LRP1B: variants seen among roughly 807,000 people sequenced by gnomAD.
LRP1B encodes the protein low-density lipoprotein receptor-related protein 1B.
LRP1B carries 217 observed loss-of-function variants against 556.6 expected under a neutral mutation model. The observed-to-expected ratio is 0.39, with a 90% CI of 0.35 to 0.44. The LOEUF (loss-of-function observed/expected upper bound fraction) is 0.44, where lower values mean the gene tolerates loss of function less well. Among genes scored for constraint, LRP1B ranks in the 20% least tolerant of loss-of-function variants. The pLI is 1.00. For missense variants in LRP1B, 5,053 were observed against 5,620.8 expected (o/e 0.90, Z 3.23); for synonymous variants, 2,047 against 1,865.8 (o/e 1.10, Z -2.50).
intron 7 of LRP1B, among the ~76,000 whole-genome samples, chr2:141,119,905 C>A (rs1922694): frequency 0.97 from 147,237 of 151,950 alleles, 71,536 homozygotes; most frequent in East Asian, 1. Flanking sequence ...CATCTATCAC[C>A]CTGAAGATCC....
intron 2 of LRP1B, among the ~76,000 whole-genome samples, chr2:141,549,200 T>G (rs1231859669): frequency 6.6e-6 from 1 of 152,184 alleles, no homozygotes; most frequent in Non-Finnish European, 1.5e-5. Flanking sequence ...GTATAAGATC[T>G]GGGGCAGCAA....
chr2:141,369,620 G>T (rs1236839946), intron 3 of LRP1B, among the ~76,000 whole-genome samples: 1 of 152,004 alleles, frequency 6.6e-6, no homozygotes, highest in Non-Finnish European at 1.5e-5. Flanking sequence ...ACAATTCCAA[G>T]ATAGAGTATA....
intron 41 of LRP1B, among the ~76,000 whole-genome samples, chr2:140,661,626 C>T (rs1258402338): frequency 1.3e-5 from 2 of 151,980 alleles, no homozygotes; most frequent in African/African-American, 2.4e-5. Flanking sequence ...GTGATTGCAC[C>T]ACTGCACTCC....
At chr2:140,413,856 A>G (rs1685066438) in intron 66 of LRP1B, among the ~76,000 whole-genome samples, 1 of 152,144 alleles carries the variant, frequency 6.6e-6, no homozygotes, top group South Asian at 2.1e-4. Flanking sequence ...CAAGTCTAGT[A>G]CAGTTTTTAT....
rs70994467 is a variant in LRP1B at position 141,929,912 on chromosome 2, CA to C, written c.83-119512del. Among the ~76,000 whole-genome samples the C allele has an allele frequency of 3.4e-3, 356 of 104,126 alleles. 1 individual carries two copies. The highest frequency in any genetic ancestry group is 0.012 in the African/African-American group (321 of 26,486). The allele number at this position is 104,126 out of a possible 152,430, so 68.3% of individuals were successfully genotyped here. On this transcript the variant is annotated intron_variant, in intron 1 of 90. Coordinates refer to ENST00000389484, the MANE Select transcript of LRP1B (RefSeq NM_018557.3). ...AGCCAGGAGAAACCGCGGATGGAAA[CA>C]AAAAAAAAAAAAAAAAAAAAAAAAA...
chr2:140,571,520 G>T (rs1441743219), intron 43 of LRP1B, among the ~76,000 whole-genome samples: 1 of 151,548 alleles, frequency 6.6e-6, no homozygotes, highest in African/African-American at 2.4e-5. Flanking sequence ...AGGACACCAA[G>T]GTGGAAAGAC....
At chr2:140,880,763 A>T (rs948951881) in intron 25 of LRP1B, among the ~76,000 whole-genome samples, 1 of 152,100 alleles carries the variant, frequency 6.6e-6, no homozygotes, top group African/African-American at 2.4e-5. Context: ...TGTTATTGTA[A>T]ACAAAGTTCA....
intron 2 of LRP1B, among the ~76,000 whole-genome samples, chr2:141,668,920 A>C (rs1690554894): frequency 6.6e-6 from 1 of 152,026 alleles, no homozygotes; most frequent in Non-Finnish European, 1.5e-5. Flanking sequence ...CCCATCTCAT[A>C]AGGGGTTTGA....
chr2:140,808,586 C>T (rs951866606), intron 32 of LRP1B, among the ~76,000 whole-genome samples: 38 of 152,244 alleles, frequency 2.5e-4, no homozygotes, highest in African/African-American at 8.9e-4. Context: ...AACTATCATA[C>T]TATACGTTTT....
intron 75 of LRP1B, among the ~76,000 whole-genome samples, chr2:140,353,359 TTTAC>T (rs899481750): frequency 6.6e-6 from 1 of 152,044 alleles, no homozygotes; most frequent in Non-Finnish European, 1.5e-5. Flanking sequence ...TCTTAAAATT[TTTAC>T]TTATTTATTT....
chr2:140,600,219 T>C (rs1682599678), intron 42 of LRP1B, among the ~76,000 whole-genome samples: 1 of 152,094 alleles, frequency 6.6e-6, no homozygotes, highest in Non-Finnish European at 1.5e-5. Context: ...GCCCAACTCT[T>C]TTATTCCTAC....
intron 7 of LRP1B, among the ~76,000 whole-genome samples, chr2:141,161,074 A>G (rs1680011915): frequency 6.6e-6 from 1 of 152,162 alleles, no homozygotes; most frequent in Non-Finnish European, 1.5e-5. Flanking sequence ...AATATTTCCA[A>G]ATAAACGGAT....
At chr2:141,980,031 T>C (rs908709866) in intron 1 of LRP1B, among the ~76,000 whole-genome samples, 2 of 152,162 alleles carry the variant, frequency 1.3e-5, no homozygotes, top group African/African-American at 4.8e-5. Flanking sequence ...CCTTGTATAA[T>C]TGATACAATA....
intron 7 of LRP1B, among the ~76,000 whole-genome samples, chr2:141,183,715 T>A (rs1011269197): frequency 2.0e-5 from 3 of 152,024 alleles, no homozygotes; most frequent in Non-Finnish European, 4.4e-5. Context: ...TTAATTTCTG[T>A]TATTTTACTT....
chr2:140,893,283 T>C (rs993622250), intron 23 of LRP1B, among the ~76,000 whole-genome samples: 22 of 152,236 alleles, frequency 1.4e-4, no homozygotes, highest in Non-Finnish European at 1.0e-4. Context: ...AAAATGTTCA[T>C]ATGTTTCATA....
At chr2:140,642,695 T>A (rs1574181805) in intron 41 of LRP1B, among the ~76,000 whole-genome samples, 3 of 151,966 alleles carry the variant, frequency 2.0e-5, no homozygotes, top group East Asian at 1.9e-4. Flanking sequence ...ACAAAAAAAA[T>A]TAGCTGGGCA....
At chr2:140,683,587 C>G (rs977122875) in intron 41 of LRP1B, 4 of 690,064 alleles carry the variant, frequency 5.8e-6, no homozygotes, top group South Asian at 5.5e-5. Context: ...AAAAGATTGC[C>G]AGGCTGTTCC....
chr2:140,405,978 A>G (rs746487718), intron 66 of LRP1B, among the ~76,000 whole-genome samples: 2 of 152,204 alleles, frequency 1.3e-5, no homozygotes, highest in Non-Finnish European at 2.9e-5. Flanking sequence ...TAGCACATCA[A>G]AAAGATAATA....
At chr2:141,047,032 A>C (rs528533797) in intron 11 of LRP1B, among the ~76,000 whole-genome samples, 1 of 17,398 alleles carries the variant, frequency 5.7e-5, no homozygotes, top group African/African-American at 1.2e-4. Context: ...CAGTGAGCCA[A>C]GATTGCAGCA....
Sources: gnomAD v4.1 joint callset for allele counts (sites outside exome capture counted in the v4.1 genomes callset) on GRCh38, gnomAD v4.1.1 for gene constraint, MANE v1.5 for transcripts, NCBI Gene and HGNC (gene_info 2026-07-23, HGNC 2026-07-21) for gene names.